PEBP4: variants seen among roughly 807,000 people sequenced by gnomAD.
PEBP4 encodes the protein phosphatidylethanolamine-binding protein 4.
Under a neutral mutation model 23.9 loss-of-function variants are expected in PEBP4, and 22 were observed. The ratio of observed to expected loss-of-function variants is 0.92; its 90% CI spans 0.66 to 1.31. PEBP4 has a LOEUF of 1.31. PEBP4 is among the 40% of genes most tolerant of loss of function. The pLI is 0.00. For synonymous variants in PEBP4, 112 were observed against 99.3 expected, an observed-to-expected ratio of 1.13 and a Z score of -0.76; for missense variants, 324 against 281.7, an observed-to-expected ratio of 1.15 and a Z score of -1.07.
At chr8:22,874,656 T>C (rs1392092565) in intron 3 of PEBP4, among the ~76,000 whole-genome samples, 3 of 152,218 alleles carry the variant, frequency 2.0e-5, no homozygotes, top group Non-Finnish European at 2.9e-5. Flanking sequence ...AAAAAACCAG[T>C]TGCATATAGT....
chr8:22,768,467 C>T, intron 4 of PEBP4, among the ~76,000 whole-genome samples: 1 of 152,150 alleles, frequency 6.6e-6, no homozygotes, highest in African/African-American at 2.4e-5. Context: ...GTGAACAAAG[C>T]CAAGCAGACC....
chr8:22,764,347 C>T (rs947598074), intron 4 of PEBP4, among the ~76,000 whole-genome samples: 1 of 152,164 alleles, frequency 6.6e-6, no homozygotes, highest in African/African-American at 2.4e-5. Flanking sequence ...GGTCTCTCTT[C>T]AAGTCCAGGT....
chr8:22,923,982 T>C (rs193295098), intron 2 of PEBP4, among the ~76,000 whole-genome samples: 2 of 152,322 alleles, frequency 1.3e-5, no homozygotes, highest in East Asian at 3.9e-4. Context: ...CTGAACAGAC[T>C]AAGACAGTGA....
intron 6 of PEBP4, among the ~76,000 whole-genome samples, chr8:22,722,511 G>T (rs1431334930): frequency 6.6e-6 from 1 of 152,198 alleles, no homozygotes; most frequent in Admixed American, 6.5e-5. Context: ...ATGACAGGAA[G>T]GGAAGAGATC....
chr8:22,733,488 C>G (rs1278516581), intron 4 of PEBP4, among the ~76,000 whole-genome samples: 1 of 151,976 alleles, frequency 6.6e-6, no homozygotes, highest in East Asian at 1.9e-4. Flanking sequence ...GGGAAGGGGT[C>G]TGACTCACTG....
chr8:22,880,707 CA>C (rs1202771529), intron 3 of PEBP4: 1 of 152,562 alleles, frequency 6.6e-6, no homozygotes, highest in Non-Finnish European at 1.5e-5. Context: ...CCCCATTCTG[CA>C]GCCTTCTCTC....
chr8:22,836,693 A>G (rs1807211725), intron 3 of PEBP4, among the ~76,000 whole-genome samples: 1 of 152,132 alleles, frequency 6.6e-6, no homozygotes, highest in South Asian at 2.1e-4. Context: ...CCCCTCCTCA[A>G]AGTCTGTGCT....
chr8:22,719,454 G>A (rs923216572), intron 6 of PEBP4, among the ~76,000 whole-genome samples: 4 of 152,202 alleles, frequency 2.6e-5, no homozygotes, highest in Non-Finnish European at 5.9e-5. Flanking sequence ...AGGATTCTGA[G>A]GCTCAGCCAC....
chr8:22,895,508 C>T (rs1443123670), intron 3 of PEBP4: 1 of 152,192 alleles, frequency 6.6e-6, no homozygotes, highest in African/African-American at 2.4e-5. Flanking sequence ...GATCATGACA[C>T]ATCTAGGTGG....
intron 4 of PEBP4, among the ~76,000 whole-genome samples, chr8:22,751,898 CTTTT>C (rs1183781891): frequency 6.6e-6 from 1 of 151,266 alleles, no homozygotes; most frequent in Non-Finnish European, 1.5e-5. Context: ...CCCTCTCTTT[CTTTT>C]TGTTTCTTTT....
chr8:22,719,652 A>T (rs560684184), intron 6 of PEBP4, among the ~76,000 whole-genome samples: 1 of 152,294 alleles, frequency 6.6e-6, no homozygotes, highest in African/African-American at 2.4e-5. Context: ...AGTCAGAAGA[A>T]AGTCAAATGG....
At chr8:22,815,486 G>A (rs1460720613) in intron 4 of PEBP4, among the ~76,000 whole-genome samples, 3 of 152,212 alleles carry the variant, frequency 2.0e-5, no homozygotes, top group Non-Finnish European at 4.4e-5. Flanking sequence ...TCCTCTGGTC[G>A]AGGTCTAGAA....
At chr8:22,756,196 G>T (rs1259259162) in intron 4 of PEBP4, among the ~76,000 whole-genome samples, 1 of 152,218 alleles carries the variant, frequency 6.6e-6, no homozygotes, top group Non-Finnish European at 1.5e-5. Context: ...AGACAAGGTG[G>T]CAAGACTCAG....
Position 22,713,271 on chromosome 8 carries a change from A to AT in PEBP4, c.*98dup. 1 of 1,354,020 alleles carries AT rather than the reference A, an allele frequency of 7.4e-7. No individual in the cohort carries two copies. Among genetic ancestry groups the AT allele is most frequent in the Non-Finnish European group, 9.5e-7 (1 of 1,055,450 alleles). The allele number at this position is 1,354,020 out of a possible 1,614,324, so 83.9% of individuals were successfully genotyped here. A position where few individuals can be genotyped will look rare whatever the true frequency, so the allele number is the denominator to read the frequency against. Reference sequence around the variant, plus strand: ...CCAAGCCCTGGATGATTTTTTTTTTATTTGGAAAAGAAGGGGTTCTGTATC... The same window carrying AT: ...CCAAGCCCTGGATGATTTTTTTTTTATTTTGGAAAAGAAGGGGTTCTGTATC... On this transcript the variant is annotated 3_prime_UTR_variant, in exon 7 of 7. Coordinates refer to ENST00000256404, the MANE Select transcript of PEBP4 (RefSeq NM_144962.3).
At chr8:22,835,493 G>C (rs1807184194) in intron 3 of PEBP4, among the ~76,000 whole-genome samples, 1 of 152,176 alleles carries the variant, frequency 6.6e-6, no homozygotes, top group Non-Finnish European at 1.5e-5. Context: ...TGGAAACACA[G>C]CATCTCACAG....
chr8:22,822,905 A>G (rs1806891722), intron 3 of PEBP4, among the ~76,000 whole-genome samples: 1 of 152,080 alleles, frequency 6.6e-6, no homozygotes, highest in Non-Finnish European at 1.5e-5. Context: ...CACAATCCCA[A>G]TCAAAATCCT....
At chr8:22,926,988 A>C (rs1809350771) in intron 2 of PEBP4, among the ~76,000 whole-genome samples, 1 of 152,116 alleles carries the variant, frequency 6.6e-6, no homozygotes, top group East Asian at 1.9e-4. Context: ...TAACCGGCAG[A>C]GTTGGTGAGG....
At chr8:22,923,679 T>C (rs1354628126) in intron 2 of PEBP4, among the ~76,000 whole-genome samples, 4 of 152,294 alleles carry the variant, frequency 2.6e-5, no homozygotes, top group Non-Finnish European at 4.4e-5. Context: ...TCAAAATTTA[T>C]ATGTTGGAAT....
intron 4 of PEBP4, among the ~76,000 whole-genome samples, chr8:22,794,655 T>C (rs1806207082): frequency 6.6e-6 from 1 of 152,210 alleles, no homozygotes. Flanking sequence ...TCACCGTATA[T>C]TGCACATTTT....
Sources: gnomAD v4.1 joint callset for allele counts (sites outside exome capture counted in the v4.1 genomes callset) on GRCh38, gnomAD v4.1.1 for gene constraint, MANE v1.5 for transcripts, NCBI Gene and HGNC (gene_info 2026-07-23, HGNC 2026-07-21) for gene names.